KCNAB1: variants seen among roughly 807,000 people sequenced by gnomAD.
KCNAB1 encodes the protein potassium voltage-gated channel subfamily A regulatory beta subunit 1, also known as voltage-gated potassium channel subunit beta-1.
A neutral mutation model predicts 64.6 loss-of-function variants in KCNAB1; 35 were observed. The ratio of observed to expected loss-of-function variants is 0.54; its 90% CI spans 0.41 to 0.72. KCNAB1 has a LOEUF of 0.72. KCNAB1 is among the 30% of genes least tolerant of loss of function. KCNAB1 has a pLI of 0.00. For missense variants in KCNAB1, 401 were observed against 512.9 expected, an observed-to-expected ratio of 0.78 and a Z score of 2.11; for synonymous variants, 177 against 183.8, an observed-to-expected ratio of 0.96 and a Z score of 0.30.
intron 12 of KCNAB1, among the ~76,000 whole-genome samples, chr3:156,524,693 G>C (rs1373627133): frequency 7.6e-6 from 1 of 132,372 alleles, no homozygotes; most frequent in East Asian, 2.5e-4. Context: ...CTTGCAGTAA[G>C]CCCAGATTGC....
chr3:156,300,517 C>T (rs914789492), intron 1 of KCNAB1, among the ~76,000 whole-genome samples: 1 of 152,180 alleles, frequency 6.6e-6, no homozygotes, highest in Non-Finnish European at 1.5e-5. Context: ...AATTCCAAGT[C>T]AAAGTCTAGA....
intron 1 of KCNAB1, among the ~76,000 whole-genome samples, chr3:156,249,149 G>A (rs561279197): frequency 6.7e-4 from 102 of 152,168 alleles, no homozygotes; most frequent in African/African-American, 2.4e-3. Context: ...GTGCTATGGA[G>A]AAAAATAAAT....
At chr3:156,346,813 G>A (rs1015708166) in intron 1 of KCNAB1, among the ~76,000 whole-genome samples, 2 of 151,990 alleles carry the variant, frequency 1.3e-5, no homozygotes, top group African/African-American at 4.8e-5. Context: ...TTCCATTATA[G>A]CCTTTGTATT....
chr3:156,176,946 C>T, intron 1 of KCNAB1: 2 of 754,964 alleles, frequency 2.6e-6, no homozygotes. Context: ...GTTTTTGAGG[C>T]CCACCTGCCT....
chr3:156,520,973 A>C (rs1234251223), intron 11 of KCNAB1, among the ~76,000 whole-genome samples: 2 of 152,240 alleles, frequency 1.3e-5, no homozygotes, highest in Admixed American at 1.3e-4. Flanking sequence ...CAAGTCTCAC[A>C]GACTATTCTT....
At chr3:156,149,218 C>T (rs1715240972) in intron 1 of KCNAB1, among the ~76,000 whole-genome samples, 1 of 151,914 alleles carries the variant, frequency 6.6e-6, no homozygotes, top group African/African-American at 2.4e-5. Context: ...GGTGGCCACG[C>T]TAATCTAAGC....
chr3:156,321,213 C>A (rs549849742), intron 1 of KCNAB1, among the ~76,000 whole-genome samples: 35 of 152,238 alleles, frequency 2.3e-4, no homozygotes, highest in Admixed American at 2.0e-3. Context: ...CTGTGCTGGG[C>A]ATGGTTTTTT....
At chr3:156,495,963 T>G (rs1715981661) in intron 8 of KCNAB1, among the ~76,000 whole-genome samples, 1 of 152,124 alleles carries the variant, frequency 6.6e-6, no homozygotes, top group Non-Finnish European at 1.5e-5. Flanking sequence ...GAATGTGTAG[T>G]CCCTGAGAAG....
chr3:156,299,473 G>C (rs1230140289), intron 1 of KCNAB1, among the ~76,000 whole-genome samples: 2 of 151,712 alleles, frequency 1.3e-5, no homozygotes, highest in East Asian at 1.9e-4. Context: ...TAAAGCACAG[G>C]CTTCTCAGGA....
intron 8 of KCNAB1, among the ~76,000 whole-genome samples, chr3:156,488,460 A>G (rs529536324): frequency 2.0e-5 from 3 of 152,072 alleles, no homozygotes; most frequent in Non-Finnish European, 2.9e-5. Flanking sequence ...AAACAGTGCA[A>G]AGGCCCTGAG....
intron 1 of KCNAB1, among the ~76,000 whole-genome samples, chr3:156,212,349 T>G (rs1389494563): frequency 6.6e-6 from 1 of 152,132 alleles, no homozygotes; most frequent in African/African-American, 2.4e-5. Context: ...TTAGTGATGG[T>G]TTCAGATACT....
intron 8 of KCNAB1, among the ~76,000 whole-genome samples, chr3:156,504,291 T>G (rs1268395309): frequency 1.3e-5 from 2 of 152,210 alleles, no homozygotes; most frequent in Admixed American, 1.3e-4. Context: ...CTATAACACA[T>G]TTTCTTTATC....
At chr3:156,410,017 T>A (rs954318697) in intron 1 of KCNAB1, among the ~76,000 whole-genome samples, 1 of 152,220 alleles carries the variant, frequency 6.6e-6, no homozygotes, top group African/African-American at 2.4e-5. Context: ...TGAGTAAGCA[T>A]GTGCTGGATT....
intron 1 of KCNAB1, among the ~76,000 whole-genome samples, chr3:156,403,592 G>A (rs1192214913): frequency 6.6e-6 from 1 of 152,102 alleles, no homozygotes. Flanking sequence ...AAAATGGGAG[G>A]CTTTTTAAAA....
chr3:156,492,888 G>A (rs949553850), intron 8 of KCNAB1, among the ~76,000 whole-genome samples: 7 of 152,234 alleles, frequency 4.6e-5, no homozygotes, highest in Middle Eastern at 3.4e-3. Flanking sequence ...GCACAGCTAC[G>A]TAAGTTGGAA....
chr3:156,347,728 A>G (rs904605670), intron 1 of KCNAB1, among the ~76,000 whole-genome samples: 5 of 152,150 alleles, frequency 3.3e-5, no homozygotes, highest in African/African-American at 1.2e-4. Flanking sequence ...TTTTCTTCCA[A>G]ACATCATTTT....
At chr3:156,245,040 C>T (rs2108454409) in intron 1 of KCNAB1, among the ~76,000 whole-genome samples, 1 of 152,314 alleles carries the variant, frequency 6.6e-6, no homozygotes, top group East Asian at 1.9e-4. Context: ...CTAAAAGGGT[C>T]ATTATCAGAT....
At chr3:156,239,844 G>T (rs760607823) in intron 1 of KCNAB1, among the ~76,000 whole-genome samples, 5 of 152,060 alleles carry the variant, frequency 3.3e-5, no homozygotes, top group African/African-American at 1.2e-4. Flanking sequence ...CCAAATCCAT[G>T]AAGACTTGAG....
chr3:156,385,949 C>T (rs897689873), intron 1 of KCNAB1, among the ~76,000 whole-genome samples: 1 of 152,068 alleles, frequency 6.6e-6, no homozygotes, highest in Non-Finnish European at 1.5e-5. Context: ...CTCTTCTTAT[C>T]GCCCTCAAGC....
Sources: allele counts gnomAD v4.1 joint callset (sites outside exome capture counted in the v4.1 genomes callset), GRCh38; gene constraint gnomAD v4.1.1; transcripts MANE v1.5; gene names NCBI Gene and HGNC (gene_info 2026-07-23, HGNC 2026-07-21).